The following TUSC3 variants were observed in gnomAD, a reference collection of about 807,000 sequenced individuals.
The protein encoded by TUSC3 is tumor suppressor candidate 3.
Under a neutral mutation model 44.8 loss-of-function variants are expected in TUSC3, and 45 were observed. The observed-to-expected ratio is 1.00, with a 90% CI of 0.79 to 1.29. The LOEUF (loss-of-function observed/expected upper bound fraction) is 1.29, where lower values mean the gene tolerates loss of function less well. Among genes scored for constraint, TUSC3 ranks in the 50% most tolerant of loss-of-function variants. The pLI, the probability that TUSC3 is intolerant of heterozygous loss-of-function variation, is 0.00. For missense variants in TUSC3, 519 were observed against 437.9 expected (o/e 1.19, Z -1.65); for synonymous variants, 212 against 152.9 (o/e 1.39, Z -2.85).
intron 6 of TUSC3, among the ~76,000 whole-genome samples, chr8:15,685,836 TG>T (rs1461004735): frequency 2.6e-5 from 4 of 151,458 alleles, no homozygotes. Context: ...AGTATTTTGT[TG>T]GGTATTCATT....
chr8:15,789,985 G>C, the TUSC3 span, among the ~76,000 whole-genome samples: 1 of 152,076 alleles, frequency 6.6e-6, no homozygotes, highest in Non-Finnish European at 1.5e-5. Flanking sequence ...GCTGCTCCTT[G>C]CAGACCAGGG....
At chr8:15,778,487 C>A in the TUSC3 span, among the ~76,000 whole-genome samples, 1 of 151,900 alleles carries the variant, frequency 6.6e-6, no homozygotes, top group African/African-American at 2.4e-5. Flanking sequence ...TTTTTTAATA[C>A]AAGCATCTTT....
intron 7 of TUSC3, among the ~76,000 whole-genome samples, chr8:15,741,512 C>T (rs1215795445): frequency 1.3e-5 from 2 of 151,962 alleles, no homozygotes; most frequent in East Asian, 1.9e-4. Context: ...ATGGCGAAAC[C>T]CCAACTCTAC....
chr8:15,564,749 G>A (rs144871142), intron 1 of TUSC3, among the ~76,000 whole-genome samples: 1 of 152,206 alleles, frequency 6.6e-6, no homozygotes, highest in Non-Finnish European at 1.5e-5. Flanking sequence ...GAGGTGATCT[G>A]TGTCGTCTGC....
chr8:15,579,072 C>T (rs1333980884), intron 1 of TUSC3, among the ~76,000 whole-genome samples: 1 of 151,930 alleles, frequency 6.6e-6, no homozygotes, highest in Admixed American at 6.6e-5. Flanking sequence ...GGAATTTATC[C>T]ATTTCTTCTA....
At chr8:15,518,982 A>T (rs912679093) in intron 2 of TUSC3, among the ~76,000 whole-genome samples, 4 of 152,202 alleles carry the variant, frequency 2.6e-5, no homozygotes, top group African/African-American at 4.8e-5. Context: ...AATATATTAA[A>T]TCTCTGTATG....
At position 15,721,772 on chromosome 8, in the gene TUSC3, G is replaced by A. The variant is rs980787473; in HGVS notation, c.799-8894G>A. 2.0e-5 allele frequency among the ~76,000 whole-genome samples: 3 copies of A among 152,030 alleles called. No homozygotes were observed. The South Asian group carries it at 6.2e-4, about 31-fold the overall frequency. On this transcript the variant is annotated intron_variant, in intron 6 of 10. Coordinates refer to ENST00000503731, the MANE Select transcript of TUSC3 (RefSeq NM_006765.4). ...TTACTAAAATTACTTAAGCAGTTCA[G>A]TCACAGGACAGACTTTTTAAAGTTT...
chr8:15,609,168 T>C (rs1804656314), intron 1 of TUSC3, among the ~76,000 whole-genome samples: 2 of 152,222 alleles, frequency 1.3e-5, no homozygotes, highest in South Asian at 4.1e-4. Flanking sequence ...AATTTTACAA[T>C]TTATGAGTAT....
the TUSC3 span, among the ~76,000 whole-genome samples, chr8:15,796,911 G>A: frequency 1.8e-4 from 28 of 152,270 alleles, no homozygotes; most frequent in African/African-American, 5.3e-4. Flanking sequence ...CAAGGCCTCA[G>A]TAGGTCATGT....
At chr8:15,617,366 C>T (rs1179982297) in intron 1 of TUSC3, among the ~76,000 whole-genome samples, 1 of 151,920 alleles carries the variant, frequency 6.6e-6, no homozygotes, top group Non-Finnish European at 1.5e-5. Flanking sequence ...TCTCGAACTC[C>T]TGACCTCTTG....
rs180897118 is a variant in TUSC3, at chr8:15,477,805, A to G, written n.92-5581A>G. ...TTCATATAAGCTGTCAAAGAATTCT[A>G]CATGTGATGGTATTGAATAGATTAT... On this transcript the variant is annotated intron_variant and non_coding_transcript_variant, in intron 1 of 5. Coordinates refer to the TUSC3 transcript ENST00000503191. 8.7e-4 allele frequency among the ~76,000 whole-genome samples: 132 copies of G among 152,238 alleles called. 1 individual carries two copies. The highest frequency in any genetic ancestry group is 5.9e-5 in the Non-Finnish European group (4 of 68,014).
At chr8:15,519,358 C>T (rs2129129155) in intron 2 of TUSC3, among the ~76,000 whole-genome samples, 1 of 152,112 alleles carries the variant, frequency 6.6e-6, no homozygotes, top group South Asian at 2.1e-4. Context: ...TTCTTTGTTA[C>T]AGCTATATAG....
chr8:15,629,322 G>C (rs555059990), intron 2 of TUSC3, among the ~76,000 whole-genome samples: 1 of 152,038 alleles, frequency 6.6e-6, no homozygotes, highest in Non-Finnish European at 1.5e-5. Context: ...GTAGAGAAGT[G>C]GTCTTGAGGT....
chr8:15,561,968 G>A lies in TUSC3; in HGVS notation c.138+21400G>A, dbSNP rs536277176. ...AAATGCAGAAATCACCATCTTCTGC[G>A]TTGCTCAGGCTGGGAGCTGTAGACA... On this transcript the variant is annotated intron_variant, in intron 1 of 10. Transcript: ENST00000503731. Among the ~76,000 whole-genome samples, 9 of 152,286 alleles carry A rather than the reference G, an allele frequency of 5.9e-5. No individual in the cohort carries two copies. In the South Asian group the frequency reaches 6.2e-4, roughly 11 times the overall value.
At chr8:15,622,259 A>C (rs904670203) in intron 1 of TUSC3, among the ~76,000 whole-genome samples, 1 of 152,054 alleles carries the variant, frequency 6.6e-6, no homozygotes, top group Non-Finnish European at 1.5e-5. Flanking sequence ...TTCAAGTAAG[A>C]TGAATGTTCT....
chr8:15,625,687 A>G (rs536409596), intron 2 of TUSC3, among the ~76,000 whole-genome samples: 34 of 152,350 alleles, frequency 2.2e-4, no homozygotes, highest in East Asian at 1.2e-3. Context: ...TGAAGTTATT[A>G]GTAACTTGGG....
intron 1 of TUSC3, among the ~76,000 whole-genome samples, chr8:15,466,529 G>A (rs920049849): frequency 1.3e-5 from 2 of 152,044 alleles, no homozygotes; most frequent in African/African-American, 4.8e-5. Context: ...ATTTAATAAA[G>A]CATTTATAAT....
intron 2 of TUSC3, among the ~76,000 whole-genome samples, chr8:15,513,386 C>G (rs1422451684): frequency 1.3e-5 from 2 of 152,078 alleles, no homozygotes; most frequent in Non-Finnish European, 2.9e-5. Context: ...TTCATTTTAT[C>G]TTTCCTAGGG....
intron 2 of TUSC3, among the ~76,000 whole-genome samples, chr8:15,497,970 A>G (rs1800906253): frequency 6.6e-6 from 1 of 152,078 alleles, no homozygotes; most frequent in Non-Finnish European, 1.5e-5. Flanking sequence ...GCTGGTCTCA[A>G]ACTCCTGACC....
Sources: gnomAD v4.1 joint callset for allele counts (sites outside exome capture counted in the v4.1 genomes callset) on GRCh38, gnomAD v4.1.1 for gene constraint, MANE v1.5 for transcripts, NCBI Gene and HGNC (gene_info 2026-07-23, HGNC 2026-07-21) for gene names.